Variants in BCAS3 observed in about 807,000 individuals in gnomAD.
BCAS3 encodes BCAS3 microtubule associated cell migration factor, also known as BCAS4/BCAS3 fusion.
In BCAS3, 53 loss-of-function variants were observed where a neutral mutation model predicts 116.1. That is an observed-to-expected ratio of 0.46 (90% confidence interval 0.37 to 0.57). The LOEUF is 0.57. BCAS3 is among the 20% of genes least tolerant of loss of function. The probability of loss-of-function intolerance (pLI) is 0.00; values close to 1 mark genes in which losing one functional copy is unlikely to be tolerated. For missense variants in BCAS3, 917 were observed against 1,165.4 expected (o/e 0.79, Z 3.10); for synonymous variants, 391 against 408.2 (o/e 0.96, Z 0.51).
chr17:61,285,230 G>GTT lies in BCAS3; in HGVS notation c.2426-83096_2426-83095dup, dbSNP rs911954918. On this transcript the variant is annotated intron_variant, in intron 22 of 23. Coordinates refer to ENST00000407086, the MANE Select transcript of BCAS3 (RefSeq NM_017679.5). This position sits in a 1 kb window ranked among gnomAD's most constrained non-coding sequence, Gnocchi z 5.4. The stretch of plus-strand genomic sequence containing the variant: ...TGTTTTGCTTTTCCCCTCCTCCTAG[G>GTT]TTGTGTGTGTGTGTGTGTGTGTGTG... Among the ~76,000 whole-genome samples, 2 of 117,940 alleles carry GTT rather than the reference G, an allele frequency of 1.7e-5. No homozygotes were observed. The highest frequency in any genetic ancestry group is 1.5e-4 in the Admixed American group (2 of 13,124). 77.4% of individuals were successfully genotyped at this position (117,940 alleles called of 152,430 possible).
chr17:61,169,387 G>A (rs1468276951), intron 22 of BCAS3, among the ~76,000 whole-genome samples: 1 of 152,186 alleles, frequency 6.6e-6, no homozygotes, highest in Admixed American at 6.5e-5. Context: ...ATTTTTGTAT[G>A]TGGATAACCT....
intron 22 of BCAS3, among the ~76,000 whole-genome samples, chr17:61,193,757 C>CAAAAAA (rs59810014): frequency 1.9e-5 from 1 of 52,314 alleles, no homozygotes; most frequent in African/African-American, 7.9e-5. Flanking sequence ...AACTCCATCT[C>CAAAAAA]AAAAAAAAAA....
At chr17:60,736,687 A>G (rs1251988690) in intron 5 of BCAS3, among the ~76,000 whole-genome samples, 1 of 152,094 alleles carries the variant, frequency 6.6e-6, no homozygotes, top group African/African-American at 2.4e-5. Context: ...TTACTGAGTC[A>G]ATTTCTTTAA....
In BCAS3 at chr17:61,332,761, G is replaced by A. The variant is rs147191963; in HGVS notation, c.2426-35566G>A. The stretch of plus-strand genomic sequence containing the variant: ...TTCCTGAATAGCTGGGATTATAGGC[G>A]TCTGCCACCACGCCTGGCTAATTTT... On this transcript the variant is annotated intron_variant, in intron 22 of 23. Transcript: ENST00000407086. This position sits in a 1 kb window ranked among gnomAD's most constrained non-coding sequence, Gnocchi z 5.4. Among the ~76,000 whole-genome samples, 42 of 152,232 alleles carry A rather than the reference G, an allele frequency of 2.8e-4. No individual in the cohort carries two copies. The East Asian group carries it at 7.0e-3, about 25-fold the overall frequency.
intron 7 of BCAS3, among the ~76,000 whole-genome samples, chr17:60,817,118 T>A (rs902182736): frequency 3.9e-5 from 6 of 152,220 alleles, no homozygotes; most frequent in African/African-American, 1.4e-4. Flanking sequence ...TTTAACATAC[T>A]CTCTCTTACT....
intron 22 of BCAS3, among the ~76,000 whole-genome samples, chr17:61,335,300 G>A (rs1395369854): frequency 5.9e-5 from 9 of 152,206 alleles, no homozygotes; most frequent in Non-Finnish European, 1.0e-4. Flanking sequence ...GTCCTTTCCA[G>A]GGCACACTCG....
rs1455615552 is a variant in BCAS3 at position 61,361,968 on chromosome 17, G to A, written c.2426-6359G>A. 2 of 152,336 alleles carry A rather than the reference G, an allele frequency of 1.3e-5. No individual in the cohort carries two copies. The highest frequency in any genetic ancestry group is 2.1e-4 in the South Asian group (1 of 4,820). 9.4% of individuals were successfully genotyped at this position (152,336 alleles called of 1,614,324 possible). A position where few individuals can be genotyped will look rare whatever the true frequency, so the allele number is the denominator to read the frequency against. ...TGGTGAGGGCAATCTTCTTTCCTCA[G>A]TCTACCAACTCGAATGCTAATCTCT... is the stretch of plus-strand genomic sequence containing the variant. On this transcript the variant is annotated intron_variant, in intron 22 of 23. Coordinates refer to ENST00000407086, the MANE Select transcript of BCAS3 (RefSeq NM_017679.5). This position sits in a 1 kb window ranked among gnomAD's most constrained non-coding sequence, Gnocchi z 6.5.
chr17:60,680,233 A>G (rs984908190), intron 2 of BCAS3, among the ~76,000 whole-genome samples: 2 of 152,058 alleles, frequency 1.3e-5, no homozygotes, highest in African/African-American at 4.8e-5. Flanking sequence ...GCACATAAAT[A>G]TGTTCATGTG....
intron 22 of BCAS3, among the ~76,000 whole-genome samples, chr17:61,202,737 T>C (rs926951132): frequency 1.3e-5 from 2 of 152,190 alleles, no homozygotes; most frequent in East Asian, 1.9e-4. Context: ...TGAGATGAGC[T>C]AAGAGTATAT....
intron 7 of BCAS3, chr17:60,810,983 A>G: frequency 3.0e-6 from 2 of 666,592 alleles, no homozygotes; most frequent in Non-Finnish European, 5.6e-6. Flanking sequence ...TACTAGTCTC[A>G]GCAGATTGAA....
At chr17:60,847,619 G>T (rs1443352275) in intron 7 of BCAS3, among the ~76,000 whole-genome samples, 2 of 152,034 alleles carry the variant, frequency 1.3e-5, no homozygotes, top group African/African-American at 4.8e-5. Flanking sequence ...TGCACATGTT[G>T]ACCATTTGTA....
chr17:60,738,774 G>A (rs1442338423), intron 5 of BCAS3, among the ~76,000 whole-genome samples: 1 of 151,936 alleles, frequency 6.6e-6, no homozygotes, highest in Admixed American at 6.6e-5. Flanking sequence ...GTTTTTTCTT[G>A]TGAAAGGGTC....
chr17:61,033,047 T>C (rs1600630557), intron 16 of BCAS3, among the ~76,000 whole-genome samples: 1 of 152,154 alleles, frequency 6.6e-6, no homozygotes, highest in African/African-American at 2.4e-5. Context: ...ATTTAAAATG[T>C]CATAGGAACT....
intron 5 of BCAS3, among the ~76,000 whole-genome samples, chr17:60,733,419 T>C (rs1241759860): frequency 6.6e-6 from 1 of 152,186 alleles, no homozygotes; most frequent in Non-Finnish European, 1.5e-5. Flanking sequence ...CAGGTGAAAT[T>C]AGAGCAGTTA....
intron 14 of BCAS3, among the ~76,000 whole-genome samples, chr17:60,985,821 C>T (rs770640048): frequency 1.3e-5 from 2 of 152,188 alleles, no homozygotes; most frequent in African/African-American, 4.8e-5. Context: ...ACTGCAACCT[C>T]CACCTCCTGG....
intron 6 of BCAS3, among the ~76,000 whole-genome samples, chr17:60,805,566 G>A (rs985365273): frequency 6.6e-6 from 1 of 152,264 alleles, no homozygotes; most frequent in Non-Finnish European, 1.5e-5. Flanking sequence ...GGTGGCTCAC[G>A]CCTGTAATCC....
In BCAS3 at chr17:61,037,868, G is replaced by A. The variant is rs375201200; in HGVS notation, c.1763-21G>A. 1.2e-6 allele frequency: 2 copies of A among 1,608,460 alleles called. No individual in the cohort carries two copies. The highest frequency in any genetic ancestry group is 1.7e-6 in the Non-Finnish European group (2 of 1,176,232). The stretch of plus-strand genomic sequence containing the variant: ...CATTTATGCCATCATAACACATCGG[G>A]TTCTGTTTCTCTGTTTGTAGATCAG... On this transcript the variant is annotated intron_variant, in intron 17 of 23. Coordinates refer to ENST00000407086, the MANE Select transcript of BCAS3 (RefSeq NM_017679.5). This position sits in a 1 kb window ranked among gnomAD's most constrained non-coding sequence, Gnocchi z 4.7.
At chr17:61,210,494 A>G (rs893726505) in intron 22 of BCAS3, among the ~76,000 whole-genome samples, 3 of 152,228 alleles carry the variant, frequency 2.0e-5, no homozygotes, top group Admixed American at 6.5e-5. Context: ...GCCAGCAGTA[A>G]GAAGTAAGGG....
At chr17:61,218,456 G>T (rs1187735359) in intron 22 of BCAS3, among the ~76,000 whole-genome samples, 1 of 152,166 alleles carries the variant, frequency 6.6e-6, no homozygotes, top group African/African-American at 2.4e-5. Flanking sequence ...TGTTCCTAGA[G>T]GTCCTACAAT....
Sources: gnomAD v4.1 joint callset for allele counts (sites outside exome capture counted in the v4.1 genomes callset) on GRCh38, gnomAD v4.1.1 for gene constraint, Gnocchi (gnomAD v3.1) non-coding constraint, MANE v1.5 for transcripts, NCBI Gene and HGNC (gene_info 2026-07-23, HGNC 2026-07-21) for gene names.